Variants in RPTOR observed in about 807,000 individuals in gnomAD.
The protein encoded by RPTOR is regulatory associated protein of MTOR complex 1.
Under a neutral mutation model 169.9 loss-of-function variants are expected in RPTOR, and 21 were observed. That is an observed-to-expected ratio of 0.12 (90% CI 0.09 to 0.18). The LOEUF (loss-of-function observed/expected upper bound fraction) is 0.18, where lower values mean the gene tolerates loss of function less well. RPTOR is among the 10% of genes least tolerant of loss of function. The probability of loss-of-function intolerance (pLI) is 1.00; values close to 1 mark genes in which losing one functional copy is unlikely to be tolerated. For missense variants in RPTOR, 1,133 were observed against 1,855.9 expected (o/e 0.61, Z 7.16); for synonymous variants, 732 against 753.2 (o/e 0.97, Z 0.46).
intron 3 of RPTOR, among the ~76,000 whole-genome samples, chr17:80,700,756 G>T (rs954256356): frequency 8.4e-3 from 557 of 66,670 alleles, no homozygotes; most frequent in Admixed American, 0.011. Context: ...TGGTGGTGAT[G>T]ATGGTGATGG....
At chr17:80,788,937 T>C (rs113362955) in intron 6 of RPTOR, among the ~76,000 whole-genome samples, 1 of 152,214 alleles carries the variant, frequency 6.6e-6, no homozygotes, top group Non-Finnish European at 1.5e-5. Flanking sequence ...AAACCAGTTG[T>C]TAGCAATTCT....
At chr17:80,870,811 A>G (rs1195336327) in intron 13 of RPTOR, among the ~76,000 whole-genome samples, 1 of 152,254 alleles carries the variant, frequency 6.6e-6, no homozygotes, top group Non-Finnish European at 1.5e-5. Context: ...TAGAGTTCTC[A>G]TGTACCCTAC....
chr17:80,717,091 T>C (rs527946210), intron 4 of RPTOR, among the ~76,000 whole-genome samples: 3 of 152,346 alleles, frequency 2.0e-5, no homozygotes, highest in South Asian at 2.1e-4. Context: ...AATTGTTTTT[T>C]CTAATTCTGT....
chr17:80,751,634 A>G (rs2066631298), intron 5 of RPTOR, among the ~76,000 whole-genome samples: 1 of 152,116 alleles, frequency 6.6e-6, no homozygotes. Context: ...ACCCCCACCC[A>G]TATTCATCGT....
At chr17:80,685,383 C>T (rs907998310) in intron 3 of RPTOR, among the ~76,000 whole-genome samples, 2 of 151,676 alleles carry the variant, frequency 1.3e-5, no homozygotes, top group Non-Finnish European at 2.9e-5. Context: ...TCAAGTGACC[C>T]TCCCACCTCA....
rs537532735 is a variant in RPTOR, at chr17:80,737,645, G to T, written c.654+6939G>T. Among the ~76,000 whole-genome samples the T allele has an allele frequency of 5.3e-5, 8 of 152,258 alleles. No individual in the cohort carries two copies. In the East Asian group the frequency reaches 1.5e-3, roughly 29 times the overall value. On this transcript the variant is annotated intron_variant, in intron 5 of 33. Transcript: ENST00000306801. ...AGTTCCTCTTTTTTAACAAAAGTTG[G>T]CCAAAGTCAGTTTTGCGTACCTTAT...
chr17:80,612,274 T>A (rs1383471799), intron 1 of RPTOR, among the ~76,000 whole-genome samples: 1 of 152,128 alleles, frequency 6.6e-6, no homozygotes, highest in Non-Finnish European at 1.5e-5. Flanking sequence ...GGACTACAGG[T>A]GTGCACCACT....
intron 1 of RPTOR, among the ~76,000 whole-genome samples, chr17:80,553,918 T>A (rs1040643761): frequency 1.3e-5 from 2 of 152,018 alleles, no homozygotes; most frequent in Non-Finnish European, 2.9e-5. Flanking sequence ...ATTTTCATAT[T>A]TTTAGTAGAG....
At chr17:80,725,192 G>A (rs2066320996) in intron 4 of RPTOR, among the ~76,000 whole-genome samples, 1 of 152,206 alleles carries the variant, frequency 6.6e-6, no homozygotes, top group Non-Finnish European at 1.5e-5. Context: ...CAGCCTGCAG[G>A]CTTCAGTGGG....
At chr17:80,821,425 G>C (rs1292250669) in intron 7 of RPTOR, among the ~76,000 whole-genome samples, 1 of 152,204 alleles carries the variant, frequency 6.6e-6, no homozygotes, top group Non-Finnish European at 1.5e-5. Flanking sequence ...CTGAACACGT[G>C]GCATTTGGTT....
At chr17:80,752,889 T>G (rs2066643230) in intron 5 of RPTOR, among the ~76,000 whole-genome samples, 1 of 152,246 alleles carries the variant, frequency 6.6e-6, no homozygotes, top group African/African-American at 2.4e-5. Flanking sequence ...AAATTTTCTG[T>G]GCATTTTAGT....
chr17:80,633,687 G>T lies in RPTOR; in HGVS notation c.265+7894G>T, dbSNP rs1408426265. ...TGAAATTCCCCTTTGTAGTTGATAGGTATTTTCGGGAAGAAGTGCTTTGAG... is the reference window on the plus strand; with the variant it reads ...TGAAATTCCCCTTTGTAGTTGATAGTTATTTTCGGGAAGAAGTGCTTTGAG... On this transcript the variant is annotated intron_variant, in intron 2 of 33. Coordinates refer to ENST00000306801, the MANE Select transcript of RPTOR (RefSeq NM_020761.3). This position sits in a 1 kb window ranked among gnomAD's most constrained non-coding sequence, Gnocchi z 4.1. Among the ~76,000 whole-genome samples, 2 of 152,170 alleles carry T rather than the reference G, an allele frequency of 1.3e-5. No homozygotes were observed. The highest frequency in any genetic ancestry group is 2.4e-5 in the African/African-American group (1 of 41,424).
At chr17:80,839,854 T>C (rs1210915571) in intron 10 of RPTOR, among the ~76,000 whole-genome samples, 1 of 152,264 alleles carries the variant, frequency 6.6e-6, no homozygotes, top group Non-Finnish European at 1.5e-5. Flanking sequence ...CTTAGGTTTC[T>C]GTGCCAGGTA....
intron 5 of RPTOR, among the ~76,000 whole-genome samples, chr17:80,735,745 C>CTTGTT (rs1283168048): frequency 1.3e-5 from 2 of 152,102 alleles, no homozygotes; most frequent in Non-Finnish European, 2.9e-5. Flanking sequence ...CCCAGTAAGT[C>CTTGTT]TTGTTCTGCA....
intron 1 of RPTOR, among the ~76,000 whole-genome samples, chr17:80,573,213 G>C (rs2064926041): frequency 6.6e-6 from 1 of 152,148 alleles, no homozygotes; most frequent in African/African-American, 2.4e-5. Context: ...GGAAGCACTT[G>C]TTTTTCTTGA....
intron 3 of RPTOR, among the ~76,000 whole-genome samples, chr17:80,684,138 G>A (rs927178912): frequency 6.6e-6 from 1 of 151,842 alleles, no homozygotes; most frequent in Non-Finnish European, 1.5e-5. Context: ...TTACTTGGGT[G>A]GGCTTTGTCC....
chr17:80,802,893 C>A (rs986785383), intron 7 of RPTOR: 1 of 152,334 alleles, frequency 6.6e-6, no homozygotes, highest in Non-Finnish European at 1.5e-5. Context: ...TGAGGCTCAG[C>A]CCCCATTGAT....
At chr17:80,770,641 T>C (rs950922349) in intron 6 of RPTOR, among the ~76,000 whole-genome samples, 6 of 152,224 alleles carry the variant, frequency 3.9e-5, no homozygotes, top group African/African-American at 1.2e-4. Flanking sequence ...TCTCTGTTAC[T>C]GTTCAAGAAG....
At chr17:80,873,865 G>A (rs369986012) in intron 13 of RPTOR, among the ~76,000 whole-genome samples, 4 of 152,354 alleles carry the variant, frequency 2.6e-5, no homozygotes, top group Middle Eastern at 3.4e-3. Flanking sequence ...GGGACAGTGC[G>A]TCAGGCCCGG....
Sources: gnomAD v4.1 joint callset for allele counts (sites outside exome capture counted in the v4.1 genomes callset) on GRCh38, gnomAD v4.1.1 for gene constraint, Gnocchi (gnomAD v3.1) non-coding constraint, MANE v1.5 for transcripts, NCBI Gene and HGNC (gene_info 2026-07-23, HGNC 2026-07-21) for gene names.